The following TBC1D22B variants were observed in gnomAD, a reference collection of about 807,000 sequenced individuals.
TBC1D22B encodes TBC1 domain family member 22B.
A neutral mutation model predicts 69.1 loss-of-function variants in TBC1D22B; 32 were observed. The observed-to-expected ratio is 0.46, with a 90% CI of 0.35 to 0.62. The LOEUF is 0.62. Ranked by LOEUF, TBC1D22B falls within the 20% of genes least tolerant of loss-of-function variation. The pLI is 0.00. For missense variants in TBC1D22B, 462 were observed against 630.9 expected (o/e 0.73, Z 2.87); for synonymous variants, 206 against 229.8 (o/e 0.90, Z 0.94).
intron 12 of TBC1D22B, among the ~76,000 whole-genome samples, chr6:37,329,655 AAC>A (rs1768526788): frequency 6.6e-6 from 1 of 152,244 alleles, no homozygotes. Context: ...CCCTTCAACT[AAC>A]AGTCTAAGTG....
chr6:37,327,906 C>T (rs1011974658), intron 12 of TBC1D22B, among the ~76,000 whole-genome samples: 5 of 151,902 alleles, frequency 3.3e-5, no homozygotes, highest in Non-Finnish European at 7.4e-5. Context: ...GAAGACTTTG[C>T]ATTAGCAAAG....
chr6:37,262,884 CA>C (rs1483189413), intron 1 of TBC1D22B, among the ~76,000 whole-genome samples: 2 of 152,188 alleles, frequency 1.3e-5, no homozygotes, highest in African/African-American at 2.4e-5. Flanking sequence ...TTCAACTAGG[CA>C]AAACAGCTAT....
intron 8 of TBC1D22B, among the ~76,000 whole-genome samples, chr6:37,311,148 T>TTA (rs1309832013): frequency 6.6e-6 from 1 of 151,142 alleles, no homozygotes; most frequent in Non-Finnish European, 1.5e-5. Flanking sequence ...ATTTAGCACT[T>TTA]TATATATATT....
Position 37,287,029 on chromosome 6 carries a change from C to T in TBC1D22B, c.824C>T (p.Thr275Met), listed in dbSNP as rs141711865. ...CAGATTCACATTGACATTCCAAGGA[C>T]GAATCCTCTCATTCCGTTGTTCCAG... is the stretch of plus-strand genomic sequence containing the variant. ...YRQIHIDIPR[T>M]NPLIPLFQQP... is the part of the protein sequence containing the mutation. The change falls in exon 7 of 13, where the codon ACG becomes ATG. Residue 275 changes from threonine (T) to methionine (M), a missense_variant. Physicochemically the swap from Thr to Met is moderately conservative, Grantham distance 81. This residue lies in a region of TBC1D22B where 225 missense variants were observed against 375.4 expected (regional missense o/e 0.60). Coordinates refer to ENST00000373491, the MANE Select transcript of TBC1D22B (RefSeq NM_017772.4). 10 of 1,603,364 alleles carry T rather than the reference C, an allele frequency of 6.2e-6. No individual in the cohort carries two copies. Among genetic ancestry groups the T allele is most frequent in the Non-Finnish European group, 8.5e-6 (10 of 1,176,582 alleles).
Position 37,313,896 on chromosome 6 carries a change from G to A in TBC1D22B, c.1165+5G>A. 1.2e-6 allele frequency: 2 copies of A among 1,613,926 alleles called. No individual in the cohort carries two copies. Among genetic ancestry groups the A allele is most frequent in the Non-Finnish European group, 1.7e-6 (2 of 1,179,800 alleles). The stretch of plus-strand genomic sequence containing the variant: ...AGCTTGTCAGCCGGATTGATGGTAG[G>A]TTCAGAGGGAGAAGAGTTCTCTAGC... On this transcript the variant is annotated splice_donor_5th_base_variant and intron_variant, in intron 10 of 12. Transcript: ENST00000373491.
chr6:37,258,018 T>A, intron 1 of TBC1D22B, 45 bp downstream of exon 1: 3 of 1,597,952 alleles, frequency 1.9e-6, no homozygotes, highest in Non-Finnish European at 2.6e-6. Context: ...GACCAAACCC[T>A]TCCAGATCCT....
intron 12 of TBC1D22B, among the ~76,000 whole-genome samples, chr6:37,326,890 C>A (rs1662396824): frequency 6.6e-6 from 1 of 152,098 alleles, no homozygotes; most frequent in Non-Finnish European, 1.5e-5. Context: ...ATATTTAAAA[C>A]CATTATTCTG....
At chr6:37,283,531 T>C (rs1381075748) in intron 5 of TBC1D22B, among the ~76,000 whole-genome samples, 1 of 152,178 alleles carries the variant, frequency 6.6e-6, no homozygotes, top group Non-Finnish European at 1.5e-5. Context: ...TAAACCACAG[T>C]CCCCACTCTC....
At chr6:37,262,365 G>A (rs942618760) in intron 1 of TBC1D22B, among the ~76,000 whole-genome samples, 2 of 151,712 alleles carry the variant, frequency 1.3e-5, no homozygotes, top group Non-Finnish European at 2.9e-5. Flanking sequence ...TGTATTTTTT[G>A]TAGAGACAGG....
chr6:37,287,030 G>C lies in TBC1D22B; in HGVS notation c.825G>C (p.Thr275=). 6.2e-7 allele frequency: 1 copy of C among 1,603,406 alleles called. No individual in the cohort carries two copies. The highest frequency in any genetic ancestry group is 1.1e-5 in the South Asian group (1 of 88,636). ...AGATTCACATTGACATTCCAAGGAC[G>C]AATCCTCTCATTCCGTTGTTCCAGC... ...YRQIHIDIPR[T]NPLIPLFQQP... Residue 275 remains threonine, a synonymous_variant, in exon 7 of 13, where the codon ACG becomes ACC. Transcript: ENST00000373491.
intron 8 of TBC1D22B, among the ~76,000 whole-genome samples, chr6:37,304,196 C>G (rs149941518): frequency 4.8e-4 from 73 of 152,334 alleles, no homozygotes; most frequent in Non-Finnish European, 9.4e-4. Context: ...ACTTAGTCAA[C>G]AAGTCTTTGA....
intron 1 of TBC1D22B, among the ~76,000 whole-genome samples, chr6:37,265,703 A>G (rs968885227): frequency 1.3e-5 from 2 of 152,096 alleles, no homozygotes; most frequent in African/African-American, 4.8e-5. Context: ...AATATATGTA[A>G]TAGTTTGCTT....
intron 1 of TBC1D22B, among the ~76,000 whole-genome samples, chr6:37,267,504 A>ATATAATATATATACAC (rs1562039825): frequency 5.7e-3 from 13 of 2,280 alleles, no homozygotes; most frequent in African/African-American, 0.016. Context: ...TATATACACT[A>ATATAATATATATACAC]TATATATAAT....
chr6:37,322,627 CAT>C (rs1768284268), intron 12 of TBC1D22B, among the ~76,000 whole-genome samples: 2 of 152,190 alleles, frequency 1.3e-5, no homozygotes, highest in Non-Finnish European at 2.9e-5. Context: ...GTAATAAAAA[CAT>C]GTTTTTATTC....
chr6:37,324,768 C>G (rs1057386891), intron 12 of TBC1D22B, among the ~76,000 whole-genome samples: 2 of 152,180 alleles, frequency 1.3e-5, no homozygotes, highest in Non-Finnish European at 2.9e-5. Context: ...CCAGGGCAGG[C>G]AGTATATAGT....
intron 8 of TBC1D22B, among the ~76,000 whole-genome samples, chr6:37,306,535 A>G (rs955245770): frequency 6.6e-6 from 1 of 152,118 alleles, no homozygotes; most frequent in African/African-American, 2.4e-5. Context: ...CCTTTACTCC[A>G]TAACCCAAAT....
At chr6:37,288,321 T>A (rs181030131) in intron 7 of TBC1D22B, among the ~76,000 whole-genome samples, 2 of 152,342 alleles carry the variant, frequency 1.3e-5, no homozygotes, top group Admixed American at 6.5e-5. Flanking sequence ...GGCTCAGCAC[T>A]GCTTATTCCT....
intron 8 of TBC1D22B, among the ~76,000 whole-genome samples, chr6:37,309,230 A>C (rs1216004944): frequency 6.6e-6 from 1 of 152,170 alleles, no homozygotes; most frequent in Non-Finnish European, 1.5e-5. Context: ...CCAGGACTTG[A>C]GCTCTGCAGC....
chr6:37,286,555 TC>T (rs1472394698), intron 6 of TBC1D22B, among the ~76,000 whole-genome samples: 1 of 151,798 alleles, frequency 6.6e-6, no homozygotes, highest in Non-Finnish European at 1.5e-5. Context: ...GACCTCATGA[TC>T]CGCCCGGCTT....
Sources: allele counts gnomAD v4.1 joint callset (sites outside exome capture counted in the v4.1 genomes callset), GRCh38; gene constraint gnomAD v4.1.1; regional missense constraint gnomAD v4.1.1; transcripts MANE v1.5; gene names NCBI Gene and HGNC (gene_info 2026-07-23, HGNC 2026-07-21).